Variants in CEP164 observed in about 807,000 individuals in gnomAD.
CEP164 encodes the protein centrosomal protein 164, also known as centrosomal protein of 164 kDa.
CEP164 carries 162 observed loss-of-function variants against 182.7 expected under a neutral mutation model. The ratio of observed to expected loss-of-function variants is 0.89; its 90% CI spans 0.78 to 1.01. The LOEUF is 1.01. Among genes scored for constraint, CEP164 ranks in the 50% least tolerant of loss-of-function variants. The pLI is 0.00. For missense variants in CEP164, 1,735 were observed against 1,790.4 expected, an observed-to-expected ratio of 0.97 and a Z score of 0.56; for synonymous variants, 661 against 690.0, an observed-to-expected ratio of 0.96 and a Z score of 0.66.
chr11:117,343,441 T>C (rs943991065), intron 3 of CEP164, among the ~76,000 whole-genome samples: 2 of 152,148 alleles, frequency 1.3e-5, no homozygotes, highest in Non-Finnish European at 2.9e-5. Flanking sequence ...TAGTCACTTG[T>C]AGTTTTTCAG....
rs1592460115 is a variant in CEP164 at position 117,403,481 on chromosome 11, C to T, written c.3502-4444C>T. Among the ~76,000 whole-genome samples, 3 of 152,236 alleles carry T rather than the reference C, an allele frequency of 2.0e-5. No homozygotes were observed. The South Asian group carries it at 6.2e-4, about 32-fold the overall frequency. ...TTCTTTAAGAATGTTGAATATTGGC[C>T]CCCACTCTCTTCTAGCTTGTAGGGT... On this transcript the variant is annotated intron_variant, in intron 27 of 32. Transcript: ENST00000278935.
chr11:117,396,326 A>C, intron 25 of CEP164, 146 bp downstream of exon 25: 1 of 968,568 alleles, frequency 1.0e-6, no homozygotes, highest in African/African-American at 1.6e-5. Context: ...AAGGTGGGCC[A>C]AGGCATCAGG....
intron 6 of CEP164, 66 bp downstream of exon 6, chr11:117,362,059 A>T: frequency 7.1e-7 from 1 of 1,405,124 alleles, no homozygotes. Context: ...CCATACCAGG[A>T]ACTATGGCCT....
chr11:117,396,243 C>A, intron 25 of CEP164, 63 bp downstream of exon 25: 1 of 1,559,392 alleles, frequency 6.4e-7, no homozygotes, highest in Non-Finnish European at 8.8e-7. Context: ...TTGGGAGGGG[C>A]TGGGCATCAG....
intron 14 of CEP164, among the ~76,000 whole-genome samples, chr11:117,383,496 A>G (rs1348258161): frequency 6.6e-6 from 1 of 152,124 alleles, no homozygotes; most frequent in Non-Finnish European, 1.5e-5. Context: ...CCAGTTCTCT[A>G]CTTCACATAC....
chr11:117,361,233 CTTT>C (rs71469129), intron 5 of CEP164, among the ~76,000 whole-genome samples: 2 of 90,198 alleles, frequency 2.2e-5, no homozygotes, highest in South Asian at 4.0e-4. Flanking sequence ...CTGCGCCTGG[CTTT>C]TTTTTTTTTT....
rs1266621162 is a variant in CEP164 at position 117,390,806 on chromosome 11, T to A, written c.1964T>A (p.Ile655Asn). The change falls in exon 16 of 33, where the codon ATT becomes AAT. Residue 655 changes from isoleucine to asparagine, a missense_variant. Transcript: ENST00000278935. ...TTGAGGGAGCGGCTGCAGAAAGCCA[T>A]TGAGGAGGAGGAGGCCCGGATGAGA... The part of the protein sequence containing the change: ...SSLRERLQKA[I>N]EEEEARMREE... 2 of 1,613,596 alleles carry A rather than the reference T, an allele frequency of 1.2e-6. No individual in the cohort carries two copies. Among genetic ancestry groups the A allele is most frequent in the Non-Finnish European group, 1.7e-6 (2 of 1,179,912 alleles).
At chr11:117,329,949 G>A (rs1286712508) in intron 1 of CEP164, among the ~76,000 whole-genome samples, 1 of 149,840 alleles carries the variant, frequency 6.7e-6, no homozygotes, top group African/African-American at 2.5e-5. Context: ...TGTATATAGA[G>A]CACTCAGTAC....
intron 15 of CEP164, 40 bp downstream of exon 15, chr11:117,387,452 C>T (rs1301181490): frequency 1.3e-6 from 2 of 1,599,424 alleles, no homozygotes; most frequent in East Asian, 2.2e-5. Flanking sequence ...TGGGGCCTTT[C>T]AGGGATGTGA....
intron 2 of CEP164, chr11:117,336,119 T>C: frequency 6.5e-7 from 1 of 1,533,662 alleles, no homozygotes; most frequent in Non-Finnish European, 8.8e-7. Flanking sequence ...AAGGGCTACT[T>C]TCCCCCAGTA....
Position 117,393,103 on chromosome 11 carries a change from G to T in CEP164, c.2593G>T (p.Ala865Ser). The part of the protein sequence containing the change: ...KEEHQQVMAK[A>S]REQYEAEERK... ...GGAGCACCAGCAAGTGATGGCTAAG[G>T]CCAGAGAGCAGTATGAAGCTGAGGT... The change falls in exon 20 of 33, where the codon GCC becomes TCC. Residue 865 changes from alanine (A) to serine (S), a missense_variant. Transcript: ENST00000278935. 1 of 1,613,400 alleles carries T rather than the reference G, an allele frequency of 6.2e-7. No individual in the cohort carries two copies. The highest frequency in any genetic ancestry group is 8.5e-7 in the Non-Finnish European group (1 of 1,179,762).
At position 117,409,950 on chromosome 11, in the gene CEP164, C is replaced by T. The variant is rs753906680; in HGVS notation, c.4081C>T (p.Arg1361Cys). ...TVDDFLLEKW[R>C]KYFPSGIPLL... is the part of the protein sequence containing the mutation. ...GGACGACTTCCTGTTGGAGAAGTGGCGCAAGTATTTTCCATGTAAGCCCCA... is the reference window on the plus strand; with the variant it reads ...GGACGACTTCCTGTTGGAGAAGTGGTGCAAGTATTTTCCATGTAAGCCCCA... Residue 1361 changes from arginine to cysteine, a missense_variant, in exon 30 of 33, where the codon CGC becomes TGC. By Grantham distance (180) the Arg-to-Cys change is radical (BLOSUM62 -3). Transcript: ENST00000278935. The surrounding 1 kb of genome is among the most constrained non-coding windows in gnomAD (Gnocchi z 4.4). 2.7e-5 allele frequency: 44 copies of T among 1,614,066 alleles called. No individual in the cohort carries two copies. Among genetic ancestry groups the T allele is most frequent in the East Asian group, 4.5e-5 (2 of 44,896 alleles).
rs376214075 is a variant in CEP164, at chr11:117,371,147, C to G, written c.833C>G (p.Pro278Arg). 11 of 1,613,492 alleles carry G rather than the reference C, an allele frequency of 6.8e-6. No individual in the cohort carries two copies. In the African/African-American group the frequency reaches 1.3e-4, roughly 20 times the overall value. The change falls in exon 9 of 33, where the codon CCC (proline) becomes CGC (arginine). Residue 278 changes from proline to arginine, a missense_variant. Coordinates refer to ENST00000278935, the MANE Select transcript of CEP164 (RefSeq NM_014956.5). Reference sequence around the variant, plus strand: ...TCTCTGGATTCAGATGCTGCCGGTCCCCCTACTCCCTGCAAGCCCTCCAGC... The same window carrying G: ...TCTCTGGATTCAGATGCTGCCGGTCGCCCTACTCCCTGCAAGCCCTCCAGC... Reference protein sequence around the residue: ...DVSLDSDAAGPPTPCKPSSPG... With the variant: ...DVSLDSDAAGRPTPCKPSSPG...
intron 4 of CEP164, among the ~76,000 whole-genome samples, chr11:117,345,257 G>A (rs1235299310): frequency 1.3e-5 from 2 of 152,160 alleles, no homozygotes; most frequent in African/African-American, 2.4e-5. Context: ...CAAGGTTGGG[G>A]AGCTAGAAGG....
chr11:117,363,484 T>G lies in CEP164; in HGVS notation c.743T>G (p.Leu248Arg). The G allele has an allele frequency of 1.5e-5, 24 of 1,613,950 alleles. No individual in the cohort carries two copies. The highest frequency in any genetic ancestry group is 2.0e-5 in the Non-Finnish European group (24 of 1,179,850). ...AACCTACACCTGGACATTGGGGCAC[T>G]GGGGGGTGACTTTGAGTATGAGGTA... The part of the protein sequence containing the change: ...LRNLHLDIGA[L>R]GGDFEYEESL... The change falls in exon 8 of 33, where the codon CTG becomes CGG. Residue 248 changes from leucine to arginine, a missense_variant. Transcript: ENST00000278935.
intron 7 of CEP164, 109 bp downstream of exon 7, chr11:117,362,647 T>A: frequency 8.0e-7 from 1 of 1,243,126 alleles, no homozygotes; most frequent in Non-Finnish European, 1.1e-6. Context: ...AATTTGCCCT[T>A]TTAACCATTT....
Position 117,412,324 on chromosome 11 carries a change from GC to G in CEP164, c.*158del. 3.3e-6 allele frequency: 2 copies of G among 613,386 alleles called. No homozygotes were observed. The highest frequency in any genetic ancestry group is 6.0e-5 in the Admixed American group (2 of 33,322). The allele number at this position is 613,386 out of a possible 1,614,324, so 38.0% of individuals were successfully genotyped here. ...CCAGGGGGTTGAGTGGAACAGTAAA[GC>G]CACACATTCTGTGACTATATAACCT... On this transcript the variant is annotated 3_prime_UTR_variant, in exon 33 of 33. Transcript: ENST00000278935.
At chr11:117,341,626 G>GGTCTTTTTTTTT (rs2038134923) in intron 3 of CEP164, among the ~76,000 whole-genome samples, 1 of 151,784 alleles carries the variant, frequency 6.6e-6, no homozygotes, top group African/African-American at 2.4e-5. Flanking sequence ...GTATTGTGTT[G>GGTCTTTTTTTTT]GTAGAGATGG....
At chr11:117,386,719 A>G (rs2044000278) in intron 14 of CEP164, 1 of 163,854 alleles carries the variant, frequency 6.1e-6, no homozygotes, top group Non-Finnish European at 1.3e-5. Flanking sequence ...TCATGGGCCC[A>G]TATACATTGG....
Sources: gnomAD v4.1 joint callset for allele counts (sites outside exome capture counted in the v4.1 genomes callset) on GRCh38, gnomAD v4.1.1 for gene constraint, Gnocchi (gnomAD v3.1) non-coding constraint, MANE v1.5 for transcripts, NCBI Gene and HGNC (gene_info 2026-07-23, HGNC 2026-07-21) for gene names.